RBFOX1: variants seen among roughly 807,000 people sequenced by gnomAD.
The protein encoded by RBFOX1 is RNA binding fox-1 homolog 1.
In RBFOX1, 8 loss-of-function variants were observed where a neutral mutation model predicts 57.7. The observed-to-expected ratio is 0.14, with a 90% CI of 0.08 to 0.25. The LOEUF is 0.25. Among genes scored for constraint, RBFOX1 ranks in the 10% least tolerant of loss-of-function variants. RBFOX1 has a pLI of 1.00. For synonymous variants in RBFOX1, 326 were observed against 222.4 expected (o/e 1.47, Z -4.15); for missense variants, 611 against 548.5 (o/e 1.11, Z -1.14).
chr16:5,937,075 C>G (rs2059182466), intron 4 of RBFOX1, among the ~76,000 whole-genome samples: 1 of 144,566 alleles, frequency 6.9e-6, no homozygotes, highest in Admixed American at 6.9e-5. Flanking sequence ...CATCATAGAC[C>G]TATTGTAAGG....
At chr16:7,380,211 T>C (rs1568516672) in intron 4 of RBFOX1, among the ~76,000 whole-genome samples, 1 of 152,188 alleles carries the variant, frequency 6.6e-6, no homozygotes, top group South Asian at 2.1e-4. Flanking sequence ...CACATCATGA[T>C]TTTAGAGTCA....
intron 3 of RBFOX1, among the ~76,000 whole-genome samples, chr16:6,681,183 G>A (rs778802237): frequency 1.3e-5 from 2 of 152,066 alleles, no homozygotes; most frequent in East Asian, 1.9e-4. Flanking sequence ...ATGATGGCAC[G>A]TGCCTGTAGT....
intron 2 of RBFOX1, among the ~76,000 whole-genome samples, chr16:5,534,159 A>G (rs934067581): frequency 2.1e-4 from 32 of 152,130 alleles, no homozygotes; most frequent in Admixed American, 8.5e-4. Context: ...CTAGGGTGTC[A>G]TAGGTGCAAG....
intron 4 of RBFOX1, among the ~76,000 whole-genome samples, chr16:5,901,344 C>G (rs1030853318): frequency 1.3e-5 from 2 of 152,156 alleles, no homozygotes; most frequent in Admixed American, 1.3e-4. Context: ...TTTTATAATT[C>G]ACCTTGCACC....
rs554506881 is a variant in RBFOX1, at chr16:6,083,633, C to T, written c.-127+63641C>T. Among the ~76,000 whole-genome samples the T allele has an allele frequency of 7.9e-5, 12 of 152,152 alleles. No individual in the cohort carries two copies. In the South Asian group the frequency reaches 1.0e-3, roughly 13 times the overall value. ...CTTGGACCACAGACGTGCGCCACCA[C>T]GCCCAGCTAATTTTTTAATTATTTG... On this transcript the variant is annotated intron_variant, in intron 1 of 15. Transcript: ENST00000550418.
At chr16:6,021,730 G>C (rs1164821709) in intron 1 of RBFOX1, among the ~76,000 whole-genome samples, 1 of 152,198 alleles carries the variant, frequency 6.6e-6, no homozygotes, top group Non-Finnish European at 1.5e-5. Flanking sequence ...AGGGCTTCTG[G>C]ATCCGTTATC....
chr16:5,595,839 G>C (rs1264517213), intron 2 of RBFOX1, among the ~76,000 whole-genome samples: 1 of 152,192 alleles, frequency 6.6e-6, no homozygotes, highest in Non-Finnish European at 1.5e-5. Flanking sequence ...AGATAGCACA[G>C]GGACTGCGTT....
intron 1 of RBFOX1, among the ~76,000 whole-genome samples, chr16:6,176,365 G>T (rs1393316393): frequency 1.4e-5 from 2 of 143,702 alleles, no homozygotes; most frequent in Non-Finnish European, 3.0e-5. Flanking sequence ...CGCCATGTTG[G>T]CCAGGCTGGT....
At chr16:6,325,085 G>A (rs2082225620) in intron 2 of RBFOX1, among the ~76,000 whole-genome samples, 1 of 152,172 alleles carries the variant, frequency 6.6e-6, no homozygotes, top group South Asian at 2.1e-4. Flanking sequence ...CCCAGGCATG[G>A]TGGCTCATGC....
intron 3 of RBFOX1, among the ~76,000 whole-genome samples, chr16:6,844,789 T>C (rs146998081): frequency 1.5e-4 from 23 of 152,308 alleles, no homozygotes; most frequent in African/African-American, 5.3e-4. Flanking sequence ...TTGAACTAAT[T>C]TACACTGCCT....
intron 2 of RBFOX1, among the ~76,000 whole-genome samples, chr16:6,387,947 G>C (rs947461501): frequency 6.8e-6 from 1 of 148,086 alleles, no homozygotes; most frequent in Non-Finnish European, 1.5e-5. Flanking sequence ...GCACCTATCA[G>C]AACCAGTGAC....
intron 3 of RBFOX1, among the ~76,000 whole-genome samples, chr16:6,964,193 T>A (rs1228560714): frequency 6.6e-6 from 1 of 151,752 alleles, no homozygotes; most frequent in Non-Finnish European, 1.5e-5. Context: ...AATTTTTGTA[T>A]TTTTTAGTAG....
intron 3 of RBFOX1, among the ~76,000 whole-genome samples, chr16:6,829,795 TTTC>T (rs1450066792): frequency 2.5e-4 from 38 of 152,166 alleles, no homozygotes; most frequent in African/African-American, 8.7e-4. Context: ...AGAAATAGGA[TTTC>T]GCCACGTTGG....
At chr16:7,233,401 T>G (rs2093611728) in intron 4 of RBFOX1, among the ~76,000 whole-genome samples, 1 of 152,230 alleles carries the variant, frequency 6.6e-6, no homozygotes, top group South Asian at 2.1e-4. Context: ...TTTGTAATTT[T>G]AAACATTGAG....
chr16:6,861,391 A>G (rs2058966219), intron 3 of RBFOX1, among the ~76,000 whole-genome samples: 2 of 152,172 alleles, frequency 1.3e-5, no homozygotes, highest in Non-Finnish European at 2.9e-5. Context: ...AAGATGGACC[A>G]GTCAAGCAGT....
chr16:6,163,670 C>G (rs1390793278), intron 1 of RBFOX1, among the ~76,000 whole-genome samples: 1 of 152,204 alleles, frequency 6.6e-6, no homozygotes, highest in East Asian at 1.9e-4. Flanking sequence ...TTTGTTCTTT[C>G]CAAAATGTTT....
At chr16:6,520,674 C>T (rs1415590513) in intron 2 of RBFOX1, among the ~76,000 whole-genome samples, 1 of 152,152 alleles carries the variant, frequency 6.6e-6, no homozygotes, top group Non-Finnish European at 1.5e-5. Context: ...GACAGTTCTG[C>T]AGGGCCTCAG....
chr16:5,497,767 G>C (rs1429825692), intron 2 of RBFOX1, among the ~76,000 whole-genome samples: 1 of 152,138 alleles, frequency 6.6e-6, no homozygotes. Context: ...CTGGACAACA[G>C]AGTGAGATTC....
intron 2 of RBFOX1, among the ~76,000 whole-genome samples, chr16:5,574,639 C>A (rs867455188): frequency 1.3e-5 from 2 of 152,080 alleles, no homozygotes; most frequent in South Asian, 2.1e-4. Context: ...CCAAGTTGGT[C>A]AGACTGGTCT....
Sources: allele counts gnomAD v4.1 joint callset (sites outside exome capture counted in the v4.1 genomes callset), GRCh38; gene constraint gnomAD v4.1.1; transcripts MANE v1.5; gene names NCBI Gene and HGNC (gene_info 2026-07-23, HGNC 2026-07-21).